The following TOGARAM2 variants were observed in gnomAD, a reference collection of about 807,000 sequenced individuals.
TOGARAM2 encodes TOG array regulator of axonemal microtubules 2.
A neutral mutation model predicts 93.3 loss-of-function variants in TOGARAM2; 85 were observed. The ratio of observed to expected loss-of-function variants is 0.91; its 90% confidence interval spans 0.76 to 1.09. The LOEUF (loss-of-function observed/expected upper bound fraction) is 1.09, where lower values mean the gene tolerates loss of function less well. TOGARAM2 is among the 50% of genes least tolerant of loss of function. The pLI, the probability that TOGARAM2 is intolerant of heterozygous loss-of-function variation, is 0.00. For synonymous variants in TOGARAM2, 593 were observed against 552.8 expected, an observed-to-expected ratio of 1.07 and a Z score of -1.02; for missense variants, 1,277 against 1,334.5, an observed-to-expected ratio of 0.96 and a Z score of 0.67.
At chr2:29,024,602 T>C (rs1225442228) in intron 13 of TOGARAM2, among the ~76,000 whole-genome samples, 4 of 152,112 alleles carry the variant, frequency 2.6e-5, no homozygotes, top group African/African-American at 4.8e-5. Flanking sequence ...GCTTCCCACT[T>C]AGCTGGGGGA....
At chr2:28,997,890 C>A (rs760532360) in intron 2 of TOGARAM2, among the ~76,000 whole-genome samples, 2 of 151,844 alleles carry the variant, frequency 1.3e-5, no homozygotes, top group African/African-American at 2.4e-5. Context: ...AGCCAGGATG[C>A]GAGGAGGGAG....
chr2:28,978,958 T>C (rs1391004738), upstream of TOGARAM2, among the ~76,000 whole-genome samples: 1 of 152,148 alleles, frequency 6.6e-6, no homozygotes, highest in Non-Finnish European at 1.5e-5. Flanking sequence ...GGGGCTTCTT[T>C]AAGAAAGAAA....
intron 8 of TOGARAM2, among the ~76,000 whole-genome samples, chr2:29,015,579 C>T (rs1344965258): frequency 6.6e-6 from 1 of 152,210 alleles, no homozygotes; most frequent in South Asian, 2.1e-4. Flanking sequence ...TCTCTCTTCT[C>T]TCCTTTGTCC....
At chr2:29,032,879 A>AT (rs1665853407) in intron 14 of TOGARAM2, 55 bp from the exon 15 acceptor site, 1 of 1,479,474 alleles carries the variant, frequency 6.8e-7, no homozygotes, top group African/African-American at 1.4e-5. Context: ...TGTAAAGCAA[A>AT]TTTATTTTGC....
rs1671816982 is a variant in TOGARAM2 at position 28,962,667 on chromosome 2, T to C, written c.-147+5970T>C. 2.0e-5 allele frequency among the ~76,000 whole-genome samples: 3 copies of C among 151,864 alleles called. No individual in the cohort carries two copies. The South Asian group carries it at 6.3e-4, about 32-fold the overall frequency. ...CCAGTTTAGCATTAAAAGGTAGACT[T>C]TCCCTCTATACACTGCTTTAGTTGC... is the stretch of plus-strand genomic sequence containing the variant. On this transcript the variant is annotated intron_variant, in intron 1 of 6. Transcript: ENST00000401723.
chr2:28,969,821 T>TC (rs1345598320), intron 1 of TOGARAM2, among the ~76,000 whole-genome samples: 1 of 150,502 alleles, frequency 6.6e-6, no homozygotes, highest in Non-Finnish European at 1.5e-5. Flanking sequence ...CCTTTTTTTT[T>TC]TTTTTTTTGA....
At chr2:28,971,673 C>T (rs571364493) in intron 1 of TOGARAM2, among the ~76,000 whole-genome samples, 27 of 151,792 alleles carry the variant, frequency 1.8e-4, no homozygotes, top group African/African-American at 6.0e-4. Flanking sequence ...CTTCCTTTTT[C>T]GTTCTGATGG....
At chr2:28,994,888 T>C (rs1428863169) in intron 2 of TOGARAM2, 26 bp downstream of exon 2, 2 of 1,551,628 alleles carry the variant, frequency 1.3e-6, no homozygotes, top group South Asian at 1.2e-5. Context: ...GGAGGCCTGC[T>C]GCTGGTGTTT....
chr2:28,972,572 T>G, intron 1 of TOGARAM2: 1 of 152,210 alleles, frequency 6.6e-6, no homozygotes, highest in East Asian at 1.9e-4. Context: ...CATAGAATAT[T>G]TTTTTCTTCT....
intron 1 of TOGARAM2, among the ~76,000 whole-genome samples, chr2:28,973,645 C>T (rs917322593): frequency 1.3e-5 from 2 of 151,878 alleles, no homozygotes; most frequent in African/African-American, 2.4e-5. Context: ...ACCTCAGCCT[C>T]CCAAGTAGCT....
At chr2:28,996,233 T>TG (rs1672982264) in intron 2 of TOGARAM2, among the ~76,000 whole-genome samples, 2 of 152,236 alleles carry the variant, frequency 1.3e-5, no homozygotes. Flanking sequence ...CCTCAACCAC[T>TG]GGCCATTTCT....
intron 1 of TOGARAM2, among the ~76,000 whole-genome samples, chr2:28,971,931 A>T (rs940857431): frequency 1.4e-4 from 21 of 152,220 alleles, no homozygotes; most frequent in African/African-American, 4.8e-4. Flanking sequence ...CTCTGATCTT[A>T]AGAGATATTT....
In TOGARAM2 at chr2:29,045,363, G is replaced by A. The variant is rs371609539; in HGVS notation, c.2675G>A (p.Arg892His). 58 of 1,613,630 alleles carry A rather than the reference G, an allele frequency of 3.6e-5. No homozygotes were observed. In the East Asian group the frequency reaches 4.5e-4, roughly 12 times the overall value. ...CLLPALAGRV[R>H]FLSGRAVLDV... Reference sequence around the variant, plus strand: ...CTACCAGCGCTTGCTGGGCGAGTGCGTTTCCTGAGTGGCCGTGCGGTGCTG... The same window carrying A: ...CTACCAGCGCTTGCTGGGCGAGTGCATTTCCTGAGTGGCCGTGCGGTGCTG... Residue 892 changes from arginine (R) to histidine (H), a missense_variant, in exon 19 of 20, where the codon CGT becomes CAT. Arg to His is a conservative substitution (Grantham distance 29). Transcript: ENST00000379558.
intron 10 of TOGARAM2, among the ~76,000 whole-genome samples, chr2:29,020,774 A>G (rs956524328): frequency 6.6e-6 from 1 of 152,208 alleles, no homozygotes; most frequent in African/African-American, 2.4e-5. Flanking sequence ...TGCCCAGGGA[A>G]GGATGGGGAG....
At chr2:29,012,812 C>T (rs1244395326) in intron 7 of TOGARAM2, among the ~76,000 whole-genome samples, 1 of 152,236 alleles carries the variant, frequency 6.6e-6, no homozygotes, top group Non-Finnish European at 1.5e-5. Flanking sequence ...GGGGCTTCCT[C>T]ACATCTGTGG....
chr2:29,007,673 C>T (rs532037579), intron 6 of TOGARAM2, among the ~76,000 whole-genome samples: 1 of 152,218 alleles, frequency 6.6e-6, no homozygotes, highest in South Asian at 2.1e-4. Context: ...ATTGACATTC[C>T]TGATTGAATG....
At chr2:28,992,609 G>A (rs1672789689) in intron 1 of TOGARAM2, among the ~76,000 whole-genome samples, 1 of 152,224 alleles carries the variant, frequency 6.6e-6, no homozygotes. Context: ...GGCGGCTCGA[G>A]TCTTCTTTTT....
At chr2:28,963,228 C>T (rs1671822716) in intron 1 of TOGARAM2, among the ~76,000 whole-genome samples, 1 of 152,098 alleles carries the variant, frequency 6.6e-6, no homozygotes, top group Non-Finnish European at 1.5e-5. Context: ...TTTTAAGTTT[C>T]CAAATATATG....
At chr2:28,959,926 G>A (rs541275300) in intron 1 of TOGARAM2, among the ~76,000 whole-genome samples, 1 of 152,288 alleles carries the variant, frequency 6.6e-6, no homozygotes, top group African/African-American at 2.4e-5. Flanking sequence ...GGCACAGCCC[G>A]CTACACATGT....
Sources: allele counts gnomAD v4.1 joint callset (sites outside exome capture counted in the v4.1 genomes callset), GRCh38; gene constraint gnomAD v4.1.1; transcripts MANE v1.5; gene names NCBI Gene and HGNC (gene_info 2026-07-23, HGNC 2026-07-21).